The following CD58 variants were observed in gnomAD, a reference collection of about 807,000 sequenced individuals.
CD58 encodes the protein lymphocyte function-associated antigen 3.
Under a neutral mutation model 27.6 loss-of-function variants are expected in CD58, and 14 were observed. The ratio of observed to expected loss-of-function variants is 0.51; its 90% CI spans 0.34 to 0.79. The LOEUF (loss-of-function observed/expected upper bound fraction) is 0.79. Among genes scored for constraint, CD58 ranks in the 30% least tolerant of loss-of-function variants. CD58 has a pLI of 0.02. For synonymous variants in CD58, 117 were observed against 103.8 expected, an observed-to-expected ratio of 1.13 and a Z score of -0.77; for missense variants, 268 against 301.7, an observed-to-expected ratio of 0.89 and a Z score of 0.83.
At chr1:116,560,553 A>C (rs957424833) in intron 1 of CD58, among the ~76,000 whole-genome samples, 2 of 152,100 alleles carry the variant, frequency 1.3e-5, no homozygotes, top group African/African-American at 4.8e-5. Flanking sequence ...TTTTTTTCTG[A>C]ATGTGTATGT....
intron 1 of CD58, among the ~76,000 whole-genome samples, chr1:116,562,503 T>C (rs548178472): frequency 2.6e-5 from 4 of 152,190 alleles, no homozygotes; most frequent in African/African-American, 9.6e-5. Context: ...TTTGTAGAGA[T>C]GGGGTGTATT....
chr1:116,547,189 C>T (rs1221706128), intron 1 of CD58, among the ~76,000 whole-genome samples: 1 of 151,658 alleles, frequency 6.6e-6, no homozygotes, highest in Non-Finnish European at 1.5e-5. Context: ...CCAAAGTTCA[C>T]TGTATCATTC....
chr1:116,520,179 T>G (rs762900682), intron 4 of CD58, among the ~76,000 whole-genome samples: 2 of 152,204 alleles, frequency 1.3e-5, no homozygotes, highest in Non-Finnish European at 2.9e-5. Flanking sequence ...CAGGCTGGAG[T>G]GCAGTGGCAC....
At position 116,559,310 on chromosome 1, in the gene CD58, G is replaced by A. The variant is rs1300561148; in HGVS notation, c.70+11593C>T. Among the ~76,000 whole-genome samples, 1 of 152,138 alleles carries A rather than the reference G, an allele frequency of 6.6e-6. No individual in the cohort carries two copies. The highest frequency in any genetic ancestry group is 1.9e-4 in the East Asian group (1 of 5,198). On this transcript the variant is annotated intron_variant, in intron 1 of 5. Coordinates refer to ENST00000369489, the MANE Select transcript of CD58 (RefSeq NM_001779.3). This position sits in a 1 kb window ranked among gnomAD's most constrained non-coding sequence, Gnocchi z 4.4. ...GCTGGACACTTGGTTGATAGAGAAG[G>A]TCAAAGATTCCGAAGCACCAGGCTA...
chr1:116,564,553 C>T (rs1210666775), intron 1 of CD58, among the ~76,000 whole-genome samples: 1 of 152,108 alleles, frequency 6.6e-6, no homozygotes, highest in Non-Finnish European at 1.5e-5. Flanking sequence ...CCAGGGAGGC[C>T]CCACAATCAT....
rs1339250341 is a variant in CD58, at chr1:116,519,703, A to T, written c.707-436T>A. 2.6e-5 allele frequency among the ~76,000 whole-genome samples: 4 copies of T among 152,266 alleles called. No individual in the cohort carries two copies. The highest frequency in any genetic ancestry group is 5.9e-5 in the Non-Finnish European group (4 of 68,048). The stretch of plus-strand genomic sequence containing the variant: ...GTGTCACAAATATAAAATTATTTCA[A>T]CATGTACTCAATATAAACATTTTTT... On this transcript the variant is annotated intron_variant, in intron 4 of 5. Transcript: ENST00000369489. This position sits in a 1 kb window ranked among gnomAD's most constrained non-coding sequence, Gnocchi z 4.7.
intron 1 of CD58, among the ~76,000 whole-genome samples, chr1:116,564,302 A>G (rs1557845303): frequency 6.6e-6 from 1 of 152,196 alleles, no homozygotes; most frequent in African/African-American, 2.4e-5. Context: ...ACAAGTCTCT[A>G]GGAAGTTCCA....
At chr1:116,555,794 G>A (rs1019413451) in intron 1 of CD58, among the ~76,000 whole-genome samples, 19 of 152,110 alleles carry the variant, frequency 1.2e-4, no homozygotes, top group Middle Eastern at 3.4e-3. Flanking sequence ...TCTGGTCACC[G>A]TTAACTATGG....
At chr1:116,540,667 C>A (rs190037143) in intron 2 of CD58, among the ~76,000 whole-genome samples, 56 of 152,342 alleles carry the variant, frequency 3.7e-4, no homozygotes, top group Non-Finnish European at 6.8e-4. Context: ...ACACTCAATA[C>A]TATCAATATC....
Position 116,522,864 on chromosome 1 carries a change from G to A in CD58, c.629-881C>T, listed in dbSNP as rs1245577736. ...AAAAATATTTATCATGAAGCATCTA[G>A]ACATTGCACTAAGTCATGTGCCTAT... is the stretch of plus-strand genomic sequence containing the variant. On this transcript the variant is annotated intron_variant, in intron 3 of 5. Transcript: ENST00000369489. This position sits in a 1 kb window ranked among gnomAD's most constrained non-coding sequence, Gnocchi z 4.6. Among the ~76,000 whole-genome samples, 4 of 150,700 alleles carry A rather than the reference G, an allele frequency of 2.7e-5. No homozygotes were observed. Among genetic ancestry groups the A allele is most frequent in the East Asian group, 1.9e-4 (1 of 5,184 alleles).
rs1657358929 is a variant in CD58 at position 116,524,277 on chromosome 1, C to T, written c.629-2294G>A. Among the ~76,000 whole-genome samples, 1 of 152,120 alleles carries T rather than the reference C, an allele frequency of 6.6e-6. No individual in the cohort carries two copies. The highest frequency in any genetic ancestry group is 6.5e-5 in the Admixed American group (1 of 15,274). ...TGGTTTTCCTGAAACTGAAGAGTTT[C>T]CTGGGATATGAAATTCGGGTGCTGA... On this transcript the variant is annotated intron_variant, in intron 3 of 5. Transcript: ENST00000369489. This position sits in a 1 kb window ranked among gnomAD's most constrained non-coding sequence, Gnocchi z 4.6.
intron 1 of CD58, among the ~76,000 whole-genome samples, chr1:116,551,487 G>C (rs1030649884): frequency 4.6e-5 from 7 of 152,196 alleles, no homozygotes; most frequent in Admixed American, 4.6e-4. Context: ...CAGAACTAAA[G>C]AGAGTTAGGG....
intron 1 of CD58, among the ~76,000 whole-genome samples, chr1:116,548,628 G>A (rs1450954960): frequency 6.6e-6 from 1 of 151,268 alleles, no homozygotes; most frequent in Non-Finnish European, 1.5e-5. Flanking sequence ...AAGGCTTCTG[G>A]TAGGCTATTA....
At chr1:116,553,885 G>A (rs1658471525) in intron 1 of CD58, among the ~76,000 whole-genome samples, 1 of 151,740 alleles carries the variant, frequency 6.6e-6, no homozygotes, top group Non-Finnish European at 1.5e-5. Context: ...GAGAGACCTG[G>A]GAAGTAGAAG....
chr1:116,568,685 A>G (rs1659026614), intron 1 of CD58, among the ~76,000 whole-genome samples: 1 of 152,272 alleles, frequency 6.6e-6, no homozygotes, highest in Admixed American at 6.5e-5. Context: ...TATTTATTGC[A>G]TGACTGATGT....
intron 2 of CD58, among the ~76,000 whole-genome samples, chr1:116,539,746 CT>C (rs1185691862): frequency 6.6e-6 from 1 of 152,142 alleles, no homozygotes; most frequent in East Asian, 1.9e-4. Context: ...GTTTCTACAC[CT>C]CAGATCTTTT....
rs1269039767 is a variant in CD58 at position 116,552,502 on chromosome 1, A to G, written c.71-7898T>C. 6.6e-6 allele frequency among the ~76,000 whole-genome samples: 1 copy of G among 152,230 alleles called. No individual in the cohort carries two copies. The highest frequency in any genetic ancestry group is 1.5e-5 in the Non-Finnish European group (1 of 68,040). ...CACGAACCTTCAATTTGTAAAAAGC[A>G]CATTATCTGTGAAGTGCAATAAAGT... On this transcript the variant is annotated intron_variant, in intron 1 of 5. Coordinates refer to ENST00000369489, the MANE Select transcript of CD58 (RefSeq NM_001779.3). This position sits in a 1 kb window ranked among gnomAD's most constrained non-coding sequence, Gnocchi z 4.5.
chr1:116,541,794 T>C lies in CD58; in HGVS notation c.364+2517A>G, dbSNP rs776316035. ...GGCGGGGTACTCTGGGCTAGAGCTCTAGATCTGTACATTATTAGCATTGAG... is the reference window on the plus strand; with the variant it reads ...GGCGGGGTACTCTGGGCTAGAGCTCCAGATCTGTACATTATTAGCATTGAG... On this transcript the variant is annotated intron_variant, in intron 2 of 5. Transcript: ENST00000369489. This position sits in a 1 kb window ranked among gnomAD's most constrained non-coding sequence, Gnocchi z 5.3. Among the ~76,000 whole-genome samples, 10 of 152,288 alleles carry C rather than the reference T, an allele frequency of 6.6e-5. No individual in the cohort carries two copies. The highest frequency in any genetic ancestry group is 1.3e-4 in the Non-Finnish European group (9 of 68,024).
chr1:116,527,584 TTTTG>T lies in CD58; in HGVS notation c.629-5605_629-5602del, dbSNP rs2101163086. ...TGCTGTTGGATCCAATTTGCTAATA[TTTTG>T]TTTAAGGTTTCTACATGTATGTTCA... On this transcript the variant is annotated intron_variant, in intron 3 of 5. Transcript: ENST00000369489. The surrounding 1 kb of genome is among the most constrained non-coding windows in gnomAD (Gnocchi z 4.4). Among the ~76,000 whole-genome samples, 1 of 152,334 alleles carries T rather than the reference TTTTG, an allele frequency of 6.6e-6. No individual in the cohort carries two copies. Among genetic ancestry groups the T allele is most frequent in the South Asian group, 2.1e-4 (1 of 4,828 alleles).
Sources: gnomAD v4.1 joint callset for allele counts (sites outside exome capture counted in the v4.1 genomes callset) on GRCh38, gnomAD v4.1.1 for gene constraint, Gnocchi (gnomAD v3.1) non-coding constraint, MANE v1.5 for transcripts, NCBI Gene and HGNC (gene_info 2026-07-23, HGNC 2026-07-21) for gene names.